The following PRKG2 variants were observed in gnomAD, a reference collection of about 807,000 sequenced individuals.
PRKG2 encodes protein kinase cGMP-dependent 2.
Under a neutral mutation model 97.2 loss-of-function variants are expected in PRKG2, and 33 were observed. The observed-to-expected ratio is 0.34, with a 90% CI of 0.26 to 0.45. The LOEUF (loss-of-function observed/expected upper bound fraction) is 0.45. Ranked by LOEUF, PRKG2 falls within the 20% of genes least tolerant of loss-of-function variation. The pLI is 1.00. For synonymous variants in PRKG2, 330 were observed against 321.8 expected (o/e 1.03, Z -0.27); for missense variants, 638 against 900.0 (o/e 0.71, Z 3.73).
chr4:81,211,291 A>G (rs1753959497), intron 1 of PRKG2, among the ~76,000 whole-genome samples: 1 of 152,198 alleles, frequency 6.6e-6, no homozygotes, highest in South Asian at 2.1e-4. Flanking sequence ...AGGTGGGTAT[A>G]TAGGAACTCT....
At chr4:81,090,720 T>G (rs1208477623) in intron 18 of PRKG2, among the ~76,000 whole-genome samples, 1 of 152,178 alleles carries the variant, frequency 6.6e-6, no homozygotes, top group Non-Finnish European at 1.5e-5. Flanking sequence ...GAGCTAGAGA[T>G]CATTCAGAAG....
rs114185012 is a variant in PRKG2 at position 81,179,701 on chromosome 4, A to T, written c.462-4742T>A. ...TAGAAAACAGCCAAAACTGCAGGGG[A>T]GGGAACAATAAATGGAGTTAACACA... On this transcript the variant is annotated intron_variant, in intron 2 of 18. Transcript: ENST00000264399. Among the ~76,000 whole-genome samples, 661 of 152,318 alleles carry T rather than the reference A, an allele frequency of 4.3e-3. 1 individual carries two copies. The highest frequency in any genetic ancestry group is 0.015 in the African/African-American group (622 of 41,566).
In PRKG2 at chr4:81,108,477, G is replaced by GT. The variant is rs58784804; in HGVS notation, c.1940+1970dup. ...ACTTATTTATATATTAACACTATTG[G>GT]TTTTTTTTTTTTTTTTAATTTTCAT... On this transcript the variant is annotated intron_variant, in intron 15 of 18. Coordinates refer to ENST00000264399, the MANE Select transcript of PRKG2 (RefSeq NM_006259.3). Among the ~76,000 whole-genome samples the GT allele has an allele frequency of 3.1e-3, 431 of 138,738 alleles. 1 individual carries two copies. Among genetic ancestry groups the GT allele is most frequent in the Middle Eastern group, 7.5e-3 (2 of 268 alleles). 91.0% of individuals were successfully genotyped at this position (138,738 alleles called of 152,430 possible).
chr4:81,150,294 A>G (rs375905442), intron 8 of PRKG2, among the ~76,000 whole-genome samples: 2 of 152,196 alleles, frequency 1.3e-5, no homozygotes, highest in East Asian at 3.8e-4. Context: ...TACAAGTATT[A>G]GATGTATGCA....
At chr4:81,112,262 T>C (rs1302788397) in intron 14 of PRKG2, among the ~76,000 whole-genome samples, 1 of 152,202 alleles carries the variant, frequency 6.6e-6, no homozygotes, top group Non-Finnish European at 1.5e-5. Flanking sequence ...TGATTATATC[T>C]ACTGTGTGGT....
rs761276284 is a variant in PRKG2 at position 81,171,822 on chromosome 4, A to T, written c.629-18T>A. ...TCGACCCTCTATCAAGCAGAATTTT[A>T]AAAAACACACACACAAATAATCGAA... is the stretch of plus-strand genomic sequence containing the variant. On this transcript the variant is annotated intron_variant, in intron 3 of 18. Transcript: ENST00000264399. 6.5e-7 allele frequency: 1 copy of T among 1,527,082 alleles called. No individual in the cohort carries two copies. The allele number at this position is 1,527,082 out of a possible 1,614,324, so 94.6% of individuals were successfully genotyped here.
intron 2 of PRKG2, among the ~76,000 whole-genome samples, chr4:81,179,867 C>A (rs2868141): frequency 1.3e-5 from 2 of 151,778 alleles, no homozygotes; most frequent in Non-Finnish European, 1.5e-5. Context: ...ATAGGCCGGG[C>A]GCAGTAGCTC....
intron 2 of PRKG2, among the ~76,000 whole-genome samples, chr4:81,188,656 A>G (rs1752124750): frequency 7.8e-6 from 1 of 127,528 alleles, no homozygotes; most frequent in African/African-American, 4.4e-5. Context: ...GGATTAAGAA[A>G]ATGTGGCACA....
At chr4:81,108,477 G>GTT (rs58784804) in intron 15 of PRKG2, among the ~76,000 whole-genome samples, 20,949 of 138,620 alleles carry the variant, frequency 0.15, 1,985 homozygotes, top group African/African-American at 0.27. Context: ...AACACTATTG[G>GTT]TTTTTTTTTT....
intron 13 of PRKG2, among the ~76,000 whole-genome samples, chr4:81,136,448 G>A (rs897241033): frequency 7.9e-5 from 12 of 152,192 alleles, no homozygotes; most frequent in Non-Finnish European, 1.5e-5. Flanking sequence ...AGGTCTGACT[G>A]TAAATATGTG....
chr4:81,204,489 CA>C (rs1753519375), intron 2 of PRKG2, 97 bp downstream of exon 2: 2 of 1,313,406 alleles, frequency 1.5e-6, no homozygotes, highest in Non-Finnish European at 2.1e-6. Context: ...CTGAAAGGGT[CA>C]ATATGTTCTT....
chr4:81,184,229 C>T (rs1402555985), intron 2 of PRKG2, among the ~76,000 whole-genome samples: 1 of 152,202 alleles, frequency 6.6e-6, no homozygotes, highest in Non-Finnish European at 1.5e-5. Context: ...GGTCGACAGA[C>T]ACCTCATACA....
chr4:81,150,974 A>T (rs1748342047), intron 8 of PRKG2, among the ~76,000 whole-genome samples: 1 of 152,134 alleles, frequency 6.6e-6, no homozygotes, highest in African/African-American at 2.4e-5. Context: ...TAATAGCTAA[A>T]ACTTTATTTT....
intron 2 of PRKG2, among the ~76,000 whole-genome samples, chr4:81,185,958 C>G (rs189316367): frequency 6.6e-6 from 1 of 152,140 alleles, no homozygotes; most frequent in African/African-American, 2.4e-5. Context: ...TAAAGGAGCA[C>G]GCAGATCAAT....
chr4:81,216,305 G>A (rs1754270377), upstream of PRKG2, among the ~76,000 whole-genome samples: 1 of 151,164 alleles, frequency 6.6e-6, no homozygotes. Context: ...GGAAAATCGC[G>A]AAAGTACACA....
chr4:81,141,792 C>A (rs1001474489), intron 11 of PRKG2, among the ~76,000 whole-genome samples: 2 of 152,162 alleles, frequency 1.3e-5, no homozygotes, highest in African/African-American at 4.8e-5. Context: ...AATACCACTG[C>A]AGACAGGTAT....
chr4:81,163,146 A>G (rs917809245), intron 6 of PRKG2, among the ~76,000 whole-genome samples: 8 of 152,176 alleles, frequency 5.3e-5, no homozygotes, highest in African/African-American at 1.7e-4. Flanking sequence ...GATAAATAAT[A>G]CCTCCCAGTG....
intron 5 of PRKG2, among the ~76,000 whole-genome samples, chr4:81,168,412 T>C (rs1750178262): frequency 6.6e-6 from 1 of 152,116 alleles, no homozygotes; most frequent in Non-Finnish European, 1.5e-5. Context: ...CACTAGTAGA[T>C]TATCCGAGCT....
At chr4:81,208,560 T>C (rs779762712) in intron 1 of PRKG2, among the ~76,000 whole-genome samples, 3 of 152,060 alleles carry the variant, frequency 2.0e-5, no homozygotes, top group African/African-American at 4.8e-5. Context: ...TAGCTAGGAC[T>C]ACAGAGGCAC....
Sources: allele counts gnomAD v4.1 joint callset (sites outside exome capture counted in the v4.1 genomes callset), GRCh38; gene constraint gnomAD v4.1.1; transcripts MANE v1.5; gene names NCBI Gene and HGNC (gene_info 2026-07-23, HGNC 2026-07-21).